Variants in ZNF454 observed in about 807,000 individuals in gnomAD.
The protein encoded by ZNF454 is zinc finger protein 454.
A neutral mutation model predicts 48.2 loss-of-function variants in ZNF454; 30 were observed. The ratio of observed to expected loss-of-function variants is 0.62; its 90% CI spans 0.47 to 0.84. ZNF454 has a LOEUF of 0.84. Among genes scored for constraint, ZNF454 ranks in the 40% least tolerant of loss-of-function variants. The pLI, the probability that ZNF454 is intolerant of heterozygous loss-of-function variation, is 0.00. For synonymous variants in ZNF454, 204 were observed against 211.4 expected, an observed-to-expected ratio of 0.97 and a Z score of 0.30; for missense variants, 510 against 623.1, an observed-to-expected ratio of 0.82 and a Z score of 1.93.
chr5:178,985,695 T>A, the ZNF454 span: 1 of 371,356 alleles, frequency 2.7e-6, no homozygotes, highest in Admixed American at 3.5e-5. Context: ...ACAGCGAGAC[T>A]CTGTCTAAAA....
intron 4 of ZNF454, among the ~76,000 whole-genome samples, chr5:178,952,076 C>T (rs1334912882): frequency 2.1e-5 from 3 of 144,880 alleles, no homozygotes; most frequent in African/African-American, 7.7e-5. Context: ...CTCGTTCTGT[C>T]GCCCAGGCGG....
chr5:178,980,943 G>A, the ZNF454 span: 2 of 152,522 alleles, frequency 1.3e-5, no homozygotes, highest in African/African-American at 4.8e-5. This position sits in a 1 kb window ranked among gnomAD's most constrained non-coding sequence, Gnocchi z 4.3. Context: ...CAAGGTTGGG[G>A]TGATTTAAGG....
At chr5:178,982,949 G>C in the ZNF454 span, 1 of 1,614,148 alleles carries the variant, frequency 6.2e-7, no homozygotes, top group Admixed American at 1.7e-5. Flanking sequence ...AGATGGGCAC[G>C]AATGCCAGCC....
At position 178,964,987 on chromosome 5, in the gene ZNF454, A is replaced by G. The variant is rs1322200030; in HGVS notation, c.583A>G (p.Lys195Glu). 2 of 1,614,126 alleles carry G rather than the reference A, an allele frequency of 1.2e-6. No homozygotes were observed. Among genetic ancestry groups the G allele is most frequent in the Non-Finnish European group, 1.7e-6 (2 of 1,180,014 alleles). The change falls in exon 5 of 5, where the codon AAA becomes GAA. Residue 195 changes from lysine to glutamate, a missense_variant. Transcript: ENST00000519564. The part of the protein sequence containing the change: ...KVFSKSSTLN[K>E]HQKIHNEKNA... ...CTTCTCTAAGAGTTCAACTCTTAAT[A>G]AACATCAGAAAATTCATAATGAAAA... is the stretch of plus-strand genomic sequence containing the variant.
chr5:178,941,737 A>T lies in ZNF454; in HGVS notation c.-108+293A>T, dbSNP rs1759098311. Among the ~76,000 whole-genome samples, 1 of 152,100 alleles carries T rather than the reference A, an allele frequency of 6.6e-6. No homozygotes were observed. The highest frequency in any genetic ancestry group is 2.4e-5 in the African/African-American group (1 of 41,440). On this transcript the variant is annotated intron_variant, in intron 1 of 4. Coordinates refer to ENST00000519564, the MANE Select transcript of ZNF454 (RefSeq NM_001178089.3). This position sits in a 1 kb window ranked among gnomAD's most constrained non-coding sequence, Gnocchi z 5.5. Reference sequence around the variant, plus strand: ...CAGGGGCGGGACGGGGCTGTGTGTGATTAGGGTTCCTAACCCTTCCCTCTC... The same window carrying T: ...CAGGGGCGGGACGGGGCTGTGTGTGTTTAGGGTTCCTAACCCTTCCCTCTC...
intron 4 of ZNF454, among the ~76,000 whole-genome samples, chr5:178,951,271 C>T (rs1424777574): frequency 2.0e-5 from 3 of 152,148 alleles, no homozygotes; most frequent in Non-Finnish European, 2.9e-5. Context: ...ATCATGTATA[C>T]ACAAAATAAT....
At position 178,965,501 on chromosome 5, in the gene ZNF454, G is replaced by T; in HGVS notation, c.1097G>T (p.Arg366Met). 6.2e-7 allele frequency: 1 copy of T among 1,613,972 alleles called. No individual in the cohort carries two copies. The highest frequency in any genetic ancestry group is 8.5e-7 in the Non-Finnish European group (1 of 1,179,974). ...TGTAATGAATGTGGGAAGGCCTTCA[G>T]GGTGAACTCTTCCCTTACTGAACAT... The part of the protein sequence containing the change: ...FECNECGKAF[R>M]VNSSLTEHQR... The change falls in exon 5 of 5, where the codon AGG (arginine) becomes ATG (methionine). Residue 366 changes from arginine (R) to methionine (M), a missense_variant. Around this residue, in one of 3 missense-constraint regions of ZNF454, gnomAD observed 153 missense variants for 195.8 expected, o/e 0.78. Coordinates refer to ENST00000519564, the MANE Select transcript of ZNF454 (RefSeq NM_001178089.3). This position sits in a 1 kb window ranked among gnomAD's most constrained non-coding sequence, Gnocchi z 5.2.
At chr5:178,976,883 C>T in the ZNF454 span, among the ~76,000 whole-genome samples, 2 of 152,278 alleles carry the variant, frequency 1.3e-5, no homozygotes, top group South Asian at 4.2e-4. Flanking sequence ...CAGGTATATT[C>T]AGTATTTGAG....
At position 178,965,433 on chromosome 5, in the gene ZNF454, C is replaced by T. The variant is rs267600577; in HGVS notation, c.1029C>T (p.Phe343=). 1.9e-6 allele frequency: 3 copies of T among 1,613,782 alleles called. No individual in the cohort carries two copies. The highest frequency in any genetic ancestry group is 2.5e-6 in the Non-Finnish European group (3 of 1,179,984). The change falls in exon 5 of 5, where the codon TTC becomes TTT. Residue 343 remains phenylalanine (F), a synonymous_variant. Coordinates refer to ENST00000519564, the MANE Select transcript of ZNF454 (RefSeq NM_001178089.3). This position sits in a 1 kb window ranked among gnomAD's most constrained non-coding sequence, Gnocchi z 5.2. ...AAGCCTTTAATCAGAGTACAAGTTTCCTTCAGCATCAGAGAATTCACACTG... is the reference window on the plus strand; with the variant it reads ...AAGCCTTTAATCAGAGTACAAGTTTTCTTCAGCATCAGAGAATTCACACTG... The part of the protein sequence containing the change: ...CGKAFNQSTS[F]LQHQRIHTGE...
At chr5:178,984,888 C>A in the ZNF454 span, among the ~76,000 whole-genome samples, 1 of 152,106 alleles carries the variant, frequency 6.6e-6, no homozygotes, top group Admixed American at 6.5e-5. Flanking sequence ...CCCTGAGAAC[C>A]CAGCTGGCCC....
chr5:178,971,883 C>T, the ZNF454 span, among the ~76,000 whole-genome samples: 1 of 151,798 alleles, frequency 6.6e-6, no homozygotes, highest in South Asian at 2.1e-4. Context: ...TGGCCAGCCC[C>T]AGGAAGGGCG....
chr5:178,965,785 A>AT lies in ZNF454; in HGVS notation c.1383dup (p.His462SerfsTer3). The AT allele has an allele frequency of 6.2e-7, 1 of 1,614,194 alleles. No individual in the cohort carries two copies. The highest frequency in any genetic ancestry group is 1.6e-4 in the Middle Eastern group (1 of 6,062). On this transcript the variant is annotated frameshift_variant, in exon 5 of 5. Coordinates refer to ENST00000519564, the MANE Select transcript of ZNF454 (RefSeq NM_001178089.3). LOFTEE classifies it high-confidence loss of function. The surrounding 1 kb of genome is among the most constrained non-coding windows in gnomAD (Gnocchi z 5.2). ...TTCAGCCCTTACCCAACATAAGAGA[A>AT]TTCATACTAGGGAAAAACCTTACAA...
intron 2 of ZNF454, among the ~76,000 whole-genome samples, chr5:178,945,671 T>TTGTG (rs140415466): frequency 1.4e-5 from 2 of 146,114 alleles, no homozygotes; most frequent in Non-Finnish European, 3.0e-5. Flanking sequence ...GTATGTATGC[T>TTGTG]TGTGTGTGTG....
At chr5:178,945,138 G>A (rs567379854) in intron 2 of ZNF454, among the ~76,000 whole-genome samples, 4 of 118,026 alleles carry the variant, frequency 3.4e-5, no homozygotes, top group South Asian at 3.0e-4. Context: ...CGTGTGTGTC[G>A]TGTGTGTGTT....
downstream of ZNF454, among the ~76,000 whole-genome samples, chr5:178,967,825 C>T (rs1436676957): frequency 2.0e-5 from 3 of 147,490 alleles, no homozygotes; most frequent in African/African-American, 7.5e-5. Context: ...CTGTAACTTC[C>T]ACCTCCTGGG....
intron 4 of ZNF454, among the ~76,000 whole-genome samples, chr5:178,949,858 G>A (rs570307577): frequency 3.4e-4 from 52 of 152,116 alleles, no homozygotes; most frequent in Non-Finnish European, 6.8e-4. Flanking sequence ...CTCGTGATCC[G>A]CCCACCTTAG....
In ZNF454 at chr5:178,946,804, C is replaced by T; in HGVS notation, c.161-93C>T. 8.3e-7 allele frequency: 1 copy of T among 1,211,848 alleles called. No individual in the cohort carries two copies. The allele number at this position is 1,211,848 out of a possible 1,614,324, so 75.1% of individuals were successfully genotyped here. On this transcript the variant is annotated intron_variant, in intron 3 of 4. Coordinates refer to ENST00000519564, the MANE Select transcript of ZNF454 (RefSeq NM_001178089.3). This position sits in a 1 kb window ranked among gnomAD's most constrained non-coding sequence, Gnocchi z 4.5. ...GGCTTTCCTATCAAGTCCCATTTCC[C>T]AGCAAGCTCTGAGGACCAGGCTTTG...
At position 178,965,183 on chromosome 5, in the gene ZNF454, C is replaced by G; in HGVS notation, c.779C>G (p.Thr260Arg). The change falls in exon 5 of 5, where the codon ACG becomes AGG. Residue 260 changes from threonine to arginine, a missense_variant. By Grantham distance (71) the Thr-to-Arg change is moderately conservative. This residue lies in a region of ZNF454 where 354 missense variants were observed against 408.9 expected (regional missense o/e 0.87). Transcript: ENST00000519564. This position sits in a 1 kb window ranked among gnomAD's most constrained non-coding sequence, Gnocchi z 5.2. ...GKAFSVSSSL[T>R]YHQKIHTGEK... is the part of the protein sequence containing the mutation. ...GCCTTCTCAGTGAGCTCCTCACTTA[C>G]GTACCATCAGAAAATTCATACTGGA... The G allele has an allele frequency of 1.2e-6, 2 of 1,614,120 alleles. No homozygotes were observed. The highest frequency in any genetic ancestry group is 1.7e-6 in the Non-Finnish European group (2 of 1,180,026).
At chr5:178,942,508 C>A (rs879367673) in intron 1 of ZNF454, 177 bp from the exon 2 acceptor site, 3 of 384,098 alleles carry the variant, frequency 7.8e-6, no homozygotes, top group Non-Finnish European at 1.4e-5. Context: ...CTGGAGCAGG[C>A]TTTCTGCAGG....
Sources: gnomAD v4.1 joint callset for allele counts (sites outside exome capture counted in the v4.1 genomes callset) on GRCh38, gnomAD v4.1.1 for gene constraint, gnomAD v4.1.1 regional missense constraint, Gnocchi (gnomAD v3.1) non-coding constraint, MANE v1.5 for transcripts, NCBI Gene and HGNC (gene_info 2026-07-23, HGNC 2026-07-21) for gene names.